The following MSH3 variants were observed in gnomAD, a reference collection of about 807,000 sequenced individuals.
MSH3 encodes mutS homolog 3.
Under a neutral mutation model 123.3 loss-of-function variants are expected in MSH3, and 106 were observed. The observed-to-expected ratio is 0.86, with a 90% CI of 0.73 to 1.01. The LOEUF (loss-of-function observed/expected upper bound fraction) is 1.01. Ranked by LOEUF, MSH3 falls within the 50% of genes least tolerant of loss-of-function variation. MSH3 has a pLI of 0.00. For missense variants in MSH3, 1,459 were observed against 1,347.6 expected (o/e 1.08, Z -1.29); for synonymous variants, 515 against 481.4 (o/e 1.07, Z -0.91).
chr5:80,782,940 C>G (rs1279503993), intron 17 of MSH3, among the ~76,000 whole-genome samples: 3 of 152,188 alleles, frequency 2.0e-5, no homozygotes, highest in Non-Finnish European at 4.4e-5. Flanking sequence ...GCTGTAGACA[C>G]TGCTGTGGAT....
intron 10 of MSH3, among the ~76,000 whole-genome samples, chr5:80,729,690 A>G (rs1370758938): frequency 2.6e-5 from 4 of 152,158 alleles, no homozygotes; most frequent in African/African-American, 4.8e-5. Flanking sequence ...ACAGCTTTTT[A>G]CAAGAGTGAT....
chr5:80,784,240 G>GAAAAAAAAAAAAAAAAAAAAAAA (rs1561477481), intron 17 of MSH3, among the ~76,000 whole-genome samples: 1 of 70,642 alleles, frequency 1.4e-5, no homozygotes, highest in Non-Finnish European at 2.6e-5. Flanking sequence ...AAAAAAAAAA[G>GAAAAAAAAAAAAAAAAAAAAAAA]GGAAATAAAT....
intron 8 of MSH3, among the ~76,000 whole-genome samples, chr5:80,695,240 T>C (rs1001116294): frequency 6.6e-6 from 1 of 152,122 alleles, no homozygotes; most frequent in African/African-American, 2.4e-5. Context: ...TCTATTGTTC[T>C]GTTTTTCATT....
At chr5:80,692,475 G>T (rs1445246649) in intron 8 of MSH3, among the ~76,000 whole-genome samples, 4 of 56,942 alleles carry the variant, frequency 7.0e-5, no homozygotes, top group Admixed American at 1.8e-4. Flanking sequence ...TATATGTTTA[G>T]ATAGATAAAC....
intron 20 of MSH3, among the ~76,000 whole-genome samples, chr5:80,850,403 A>G (rs1362529104): frequency 6.6e-6 from 1 of 152,108 alleles, no homozygotes; most frequent in Non-Finnish European, 1.5e-5. Context: ...GTCCATTTTC[A>G]CACTGCTGAT....
chr5:80,795,546 G>T (rs935366451), intron 19 of MSH3, among the ~76,000 whole-genome samples: 1 of 152,082 alleles, frequency 6.6e-6, no homozygotes, highest in South Asian at 2.1e-4. Flanking sequence ...AGGCCCTCAT[G>T]AACTTGTCAT....
Position 80,808,870 on chromosome 5 carries a change from T to TATATCTATATATATATCTATATATAG in MSH3, c.2656-4710_2656-4709insCTATATATATATCTATATATAGATAT, listed in dbSNP as rs1410979987. Among the ~76,000 whole-genome samples, 95 of 127,320 alleles carry TATATCTATATATATATCTATATATAG rather than the reference T, an allele frequency of 7.5e-4. 1 individual carries two copies. The highest frequency in any genetic ancestry group is 2.3e-3 in the South Asian group (9 of 3,984). The allele number at this position is 127,320 out of a possible 152,430, so 83.5% of individuals were successfully genotyped here. Reference sequence around the variant, plus strand: ...AATATATCTTCTTCATATATATATATATATATATATATACACAATCTAAAT... The same window carrying TATATCTATATATATATCTATATATAG: ...AATATATCTTCTTCATATATATATATATATCTATATATATATCTATATATAGATATATATATATACACAATCTAAAT... On this transcript the variant is annotated intron_variant, in intron 19 of 23. Coordinates refer to ENST00000265081, the MANE Select transcript of MSH3 (RefSeq NM_002439.5).
intron 20 of MSH3, among the ~76,000 whole-genome samples, chr5:80,834,031 T>A (rs1460131179): frequency 6.6e-6 from 1 of 152,248 alleles, no homozygotes; most frequent in Admixed American, 6.5e-5. Flanking sequence ...AATAAACAGT[T>A]CCCACAATTA....
At chr5:80,714,478 C>T (rs1334163795) in intron 8 of MSH3, among the ~76,000 whole-genome samples, 1 of 152,036 alleles carries the variant, frequency 6.6e-6, no homozygotes, top group African/African-American at 2.4e-5. Context: ...TTGAATTTAT[C>T]ATAACGTTCT....
chr5:80,687,778 CT>C (rs1286207506), intron 8 of MSH3, among the ~76,000 whole-genome samples: 1 of 151,662 alleles, frequency 6.6e-6, no homozygotes. Context: ...AGTAAGGTTT[CT>C]GGGAAAAGGA....
chr5:80,835,742 C>G (rs1350861530), intron 20 of MSH3, among the ~76,000 whole-genome samples: 8 of 152,050 alleles, frequency 5.3e-5, no homozygotes, highest in Non-Finnish European at 1.0e-4. Context: ...GGGTGAAACC[C>G]TGTCTCTACT....
At chr5:80,816,247 A>G (rs1448154614) in intron 20 of MSH3, among the ~76,000 whole-genome samples, 1 of 151,648 alleles carries the variant, frequency 6.6e-6, no homozygotes, top group Non-Finnish European at 1.5e-5. Flanking sequence ...CAGCTATGAC[A>G]AGTCAATGAA....
intron 9 of MSH3, among the ~76,000 whole-genome samples, chr5:80,728,066 T>A (rs970323828): frequency 6.6e-6 from 1 of 152,088 alleles, no homozygotes; most frequent in Admixed American, 6.6e-5. Flanking sequence ...GGGAGAACAT[T>A]AGGTGAGCTC....
At chr5:80,722,117 A>C (rs1236355991) in intron 8 of MSH3, among the ~76,000 whole-genome samples, 1 of 152,244 alleles carries the variant, frequency 6.6e-6, no homozygotes, top group Non-Finnish European at 1.5e-5. Context: ...CAAAATAGGT[A>C]ATAAAGTTTC....
chr5:80,701,118 A>C (rs552128229), intron 8 of MSH3, among the ~76,000 whole-genome samples: 1 of 152,342 alleles, frequency 6.6e-6, no homozygotes, highest in African/African-American at 2.4e-5. Flanking sequence ...ATTTATTATT[A>C]GCATCTTAAA....
At chr5:80,838,986 T>C (rs1028385070) in intron 20 of MSH3, among the ~76,000 whole-genome samples, 1 of 152,212 alleles carries the variant, frequency 6.6e-6, no homozygotes, top group African/African-American at 2.4e-5. Flanking sequence ...AGCCCTAAAA[T>C]AAGAATTTGC....
At chr5:80,687,318 CT>C (rs1299069493) in intron 8 of MSH3, among the ~76,000 whole-genome samples, 8 of 152,150 alleles carry the variant, frequency 5.3e-5, no homozygotes, top group African/African-American at 1.9e-4. Context: ...GTTAAGGTTG[CT>C]TTAGCTTAGA....
At chr5:80,740,342 G>A (rs6151744) in intron 10 of MSH3, among the ~76,000 whole-genome samples, 1,658 of 150,842 alleles carry the variant, frequency 0.011, 13 homozygotes, top group South Asian at 0.043. Context: ...ATGGTAATGT[G>A]TGTTTTTTTT....
chr5:80,818,021 C>T (rs1485614788), intron 20 of MSH3, among the ~76,000 whole-genome samples: 2 of 152,062 alleles, frequency 1.3e-5, no homozygotes, highest in African/African-American at 4.8e-5. Flanking sequence ...ACCAGCCTGG[C>T]CAACAATGGC....
Sources: gnomAD v4.1 joint callset for allele counts (sites outside exome capture counted in the v4.1 genomes callset) on GRCh38, gnomAD v4.1.1 for gene constraint, MANE v1.5 for transcripts, NCBI Gene and HGNC (gene_info 2026-07-23, HGNC 2026-07-21) for gene names.